Variants in TMEM74 observed in about 807,000 individuals in gnomAD.
TMEM74 encodes the protein transmembrane protein 74.
TMEM74 carries 13 observed loss-of-function variants against 18.1 expected under a neutral mutation model. The observed-to-expected ratio is 0.72, with a 90% CI of 0.47 to 1.14. The LOEUF is 1.14. Among genes scored for constraint, TMEM74 ranks in the 50% most tolerant of loss-of-function variants. The probability of loss-of-function intolerance (pLI) is 0.00; values close to 1 mark genes in which losing one functional copy is unlikely to be tolerated. For missense variants in TMEM74, 372 were observed against 375.9 expected (o/e 0.99, Z 0.09); for synonymous variants, 159 against 146.6 (o/e 1.08, Z -0.61).
At chr8:108,692,087 C>T (rs1586262998) in intron 1 of TMEM74, among the ~76,000 whole-genome samples, 1 of 152,124 alleles carries the variant, frequency 6.6e-6, no homozygotes, top group South Asian at 2.1e-4. Context: ...GATAATAAAG[C>T]TGAGATTCAG....
chr8:108,664,931 C>G (rs1357706729), intron 1 of TMEM74, among the ~76,000 whole-genome samples: 1 of 151,982 alleles, frequency 6.6e-6, no homozygotes, highest in African/African-American at 2.4e-5. Context: ...GATACCTGAC[C>G]AAACACAGTC....
intron 1 of TMEM74, among the ~76,000 whole-genome samples, chr8:108,725,637 A>G (rs1008185696): frequency 6.6e-6 from 1 of 152,216 alleles, no homozygotes; most frequent in African/African-American, 2.4e-5. Context: ...TTCTGCTAGA[A>G]TCAAGGAGAT....
intron 2 of TMEM74, among the ~76,000 whole-genome samples, chr8:108,646,562 C>T (rs1470527462): frequency 6.6e-6 from 1 of 152,038 alleles, no homozygotes; most frequent in Non-Finnish European, 1.5e-5. Flanking sequence ...GTATATTCTG[C>T]TTACAGACTT....
intron 2 of TMEM74, among the ~76,000 whole-genome samples, chr8:108,647,829 G>A (rs1172496570): frequency 6.6e-6 from 1 of 152,050 alleles, no homozygotes; most frequent in African/African-American, 2.4e-5. Context: ...GCTATATTAG[G>A]GGTAAGTACT....
intron 1 of TMEM74, among the ~76,000 whole-genome samples, chr8:108,699,365 G>T (rs1348050121): frequency 6.6e-6 from 1 of 151,906 alleles, no homozygotes; most frequent in Admixed American, 6.6e-5. Context: ...GATCTCAAGG[G>T]CAGGGACTGT....
chr8:108,747,238 G>C (rs1470778119), intron 1 of TMEM74, among the ~76,000 whole-genome samples: 1 of 151,118 alleles, frequency 6.6e-6, no homozygotes, highest in Non-Finnish European at 1.5e-5. Context: ...GAATTGGCCT[G>C]TGTGTGTGTG....
At chr8:108,771,790 C>T (rs753376825) in intron 1 of TMEM74, among the ~76,000 whole-genome samples, 4 of 151,978 alleles carry the variant, frequency 2.6e-5, no homozygotes, top group Non-Finnish European at 5.9e-5. Context: ...AAACTTTTAT[C>T]CATCTTTTTG....
chr8:108,710,944 G>A (rs564878038), intron 1 of TMEM74, among the ~76,000 whole-genome samples: 6 of 152,142 alleles, frequency 3.9e-5, no homozygotes, highest in African/African-American at 7.2e-5. Flanking sequence ...GATAACAAGC[G>A]GAGTTATATG....
chr8:108,729,968 A>C (rs1813677581), intron 1 of TMEM74, among the ~76,000 whole-genome samples: 1 of 152,208 alleles, frequency 6.6e-6, no homozygotes, highest in Non-Finnish European at 1.5e-5. Context: ...TCCTAATGCT[A>C]TACTGGACCC....
intron 1 of TMEM74, among the ~76,000 whole-genome samples, chr8:108,678,389 G>C (rs1209525501): frequency 6.6e-6 from 1 of 152,052 alleles, no homozygotes; most frequent in Admixed American, 6.6e-5. Context: ...TTTTGAGATG[G>C]AGTCTCACTC....
At chr8:108,634,790 A>G (rs1178454747) in intron 2 of TMEM74, among the ~76,000 whole-genome samples, 1 of 152,040 alleles carries the variant, frequency 6.6e-6, no homozygotes, top group Non-Finnish European at 1.5e-5. Flanking sequence ...GGTAATGCAA[A>G]TGAATCTGCA....
intron 1 of TMEM74, among the ~76,000 whole-genome samples, chr8:108,752,612 G>A (rs955265707): frequency 2.0e-5 from 3 of 151,996 alleles, no homozygotes; most frequent in Non-Finnish European, 2.9e-5. Context: ...CTAATTGCAT[G>A]ATTTCAACCG....
chr8:108,621,258 G>A (rs578168636), intron 2 of TMEM74, among the ~76,000 whole-genome samples: 1 of 152,160 alleles, frequency 6.6e-6, no homozygotes, highest in East Asian at 1.9e-4. Flanking sequence ...GGGCTCACTA[G>A]ACTCAATTCC....
At chr8:108,759,499 A>G (rs560238198) in intron 1 of TMEM74, among the ~76,000 whole-genome samples, 52 of 152,174 alleles carry the variant, frequency 3.4e-4, no homozygotes, top group Admixed American at 1.6e-3. Flanking sequence ...CTTAAAAGGG[A>G]CTGATTAAAT....
chr8:108,660,148 T>C (rs1400748960), intron 1 of TMEM74, among the ~76,000 whole-genome samples: 1 of 152,144 alleles, frequency 6.6e-6, no homozygotes, highest in African/African-American at 2.4e-5. Context: ...CCTACTTGTT[T>C]TCCAAAGCAG....
At chr8:108,712,587 AT>A (rs1477178259) in intron 1 of TMEM74, among the ~76,000 whole-genome samples, 6 of 152,164 alleles carry the variant, frequency 3.9e-5, no homozygotes, top group Non-Finnish European at 8.8e-5. Context: ...AGTAAAAGCC[AT>A]TCTCATCCTG....
At chr8:108,629,453 G>A (rs1812528451) in intron 2 of TMEM74, among the ~76,000 whole-genome samples, 2 of 151,902 alleles carry the variant, frequency 1.3e-5, no homozygotes, top group African/African-American at 2.4e-5. Context: ...AGTAAGAAAG[G>A]CCAACATCCA....
chr8:108,629,687 C>T (rs1812530834), intron 2 of TMEM74, among the ~76,000 whole-genome samples: 1 of 151,996 alleles, frequency 6.6e-6, no homozygotes, highest in Non-Finnish European at 1.5e-5. Flanking sequence ...ATTCAACATT[C>T]TTAAATAAAA....
At position 108,781,104 on chromosome 8, in the gene TMEM74, A is replaced by G. The variant is rs1162148646; in HGVS notation, c.*3077T>C. Among the ~76,000 whole-genome samples, 1 of 152,146 alleles carries G rather than the reference A, an allele frequency of 6.6e-6. No individual in the cohort carries two copies. Among genetic ancestry groups the G allele is most frequent in the Non-Finnish European group, 1.5e-5 (1 of 68,024 alleles). ...CTGCTGAAAGACGAGCTGTCTTCTCATTGAGACTAGGAAGATGACTCTTGA... is the reference window on the plus strand; with the variant it reads ...CTGCTGAAAGACGAGCTGTCTTCTCGTTGAGACTAGGAAGATGACTCTTGA... On this transcript the variant is annotated 3_prime_UTR_variant, in exon 2 of 2. Transcript: ENST00000297459.
Sources: allele counts gnomAD v4.1 joint callset (sites outside exome capture counted in the v4.1 genomes callset), GRCh38; gene constraint gnomAD v4.1.1; transcripts MANE v1.5; gene names NCBI Gene and HGNC (gene_info 2026-07-23, HGNC 2026-07-21).